The following SLC12A2 variants were observed in gnomAD, a reference collection of about 807,000 sequenced individuals.
The protein encoded by SLC12A2 is Na-K-2Cl cotransporter 1.
In SLC12A2, 67 loss-of-function variants were observed where a neutral mutation model predicts 136.3. The observed-to-expected ratio is 0.49, with a 90% CI of 0.40 to 0.60. The LOEUF (loss-of-function observed/expected upper bound fraction) is 0.60, where lower values mean the gene tolerates loss of function less well. Ranked by LOEUF, SLC12A2 falls within the 20% of genes least tolerant of loss-of-function variation. The pLI, the probability that SLC12A2 is intolerant of heterozygous loss-of-function variation, is 0.00. For synonymous variants in SLC12A2, 619 were observed against 562.9 expected (o/e 1.10, Z -1.41); for missense variants, 1,322 against 1,534.7 (o/e 0.86, Z 2.32).
At chr5:128,114,158 T>G in intron 2 of SLC12A2, 54 bp from the exon 3 acceptor site, 5 of 1,270,478 alleles carry the variant, frequency 3.9e-6, no homozygotes, top group Non-Finnish European at 5.7e-6. Flanking sequence ...GCTTACTATA[T>G]AATGTTTGAT....
At chr5:128,150,470 A>G (rs1257701916) in intron 13 of SLC12A2, among the ~76,000 whole-genome samples, 3 of 151,794 alleles carry the variant, frequency 2.0e-5, no homozygotes, top group Admixed American at 6.6e-5. Flanking sequence ...AAAATTCTGA[A>G]AAGGAATTTT....
At chr5:128,146,403 G>A (rs1291549632) in intron 10 of SLC12A2, among the ~76,000 whole-genome samples, 15 of 151,542 alleles carry the variant, frequency 9.9e-5, no homozygotes, top group Admixed American at 9.9e-4. Flanking sequence ...ATTTAATCTA[G>A]GGGAGTTTCT....
chr5:128,138,101 C>G (rs1325831267), intron 7 of SLC12A2, among the ~76,000 whole-genome samples: 2 of 151,988 alleles, frequency 1.3e-5, no homozygotes, highest in Non-Finnish European at 2.9e-5. Flanking sequence ...CCACTCCTGG[C>G]TAATTTTTTA....
At position 128,151,318 on chromosome 5, in the gene SLC12A2, G is replaced by A. The variant is rs575733487; in HGVS notation, c.2185G>A (p.Val729Ile). Reference protein sequence around the residue: ...GAILCCIVMFVINWWAALLTY... With the variant: ...GAILCCIVMFIINWWAALLTY... ...AATTCTTTGTTGCATAGTAATGTTC[G>A]TCATTAACTGGTGGGCTGCATTGCT... The change falls in exon 14 of 27, where the codon GTC becomes ATC. Residue 729 changes from valine (V) to isoleucine (I), a missense_variant. Physicochemically the swap from Val to Ile is conservative, Grantham distance 29. Transcript: ENST00000262461. 5.6e-5 allele frequency: 90 copies of A among 1,612,542 alleles called. No homozygotes were observed. Among genetic ancestry groups the A allele is most frequent in the African/African-American group, 1.3e-4 (10 of 74,912 alleles).
intron 4 of SLC12A2, among the ~76,000 whole-genome samples, chr5:128,127,116 AT>A (rs35726459): frequency 0.013 from 877 of 68,712 alleles, 8 homozygotes; most frequent in African/African-American, 0.05. Flanking sequence ...TTGGTCTGGA[AT>A]TTTTTTTTTT....
chr5:128,104,904 A>G (rs1760879380), intron 1 of SLC12A2, among the ~76,000 whole-genome samples: 1 of 152,114 alleles, frequency 6.6e-6, no homozygotes, highest in Non-Finnish European at 1.5e-5. Flanking sequence ...TATGAGGACC[A>G]TGTTAGAAGC....
At chr5:128,130,430 A>G (rs919894885) in intron 4 of SLC12A2, among the ~76,000 whole-genome samples, 6 of 150,356 alleles carry the variant, frequency 4.0e-5, no homozygotes, top group Non-Finnish European at 8.9e-5. Flanking sequence ...CAGGAGAATC[A>G]CATGAACCCA....
intron 26 of SLC12A2, among the ~76,000 whole-genome samples, chr5:128,185,695 T>C (rs1388237178): frequency 6.6e-6 from 1 of 152,208 alleles, no homozygotes; most frequent in African/African-American, 2.4e-5. Context: ...TATCCATATA[T>C]AGCTTCTGTT....
intron 4 of SLC12A2, among the ~76,000 whole-genome samples, chr5:128,129,000 TGAAA>T (rs1761918454): frequency 6.6e-6 from 1 of 152,098 alleles, no homozygotes; most frequent in Non-Finnish European, 1.5e-5. Context: ...TCTGTATTTG[TGAAA>T]GACTTTTAAA....
intron 19 of SLC12A2, among the ~76,000 whole-genome samples, chr5:128,173,159 T>C (rs1337516582): frequency 6.6e-6 from 1 of 152,218 alleles, no homozygotes; most frequent in East Asian, 1.9e-4. Flanking sequence ...TTAAACTGTT[T>C]TAATCTTCCC....
chr5:128,117,957 C>T (rs758535025), intron 4 of SLC12A2, among the ~76,000 whole-genome samples: 40 of 151,808 alleles, frequency 2.6e-4, no homozygotes, highest in African/African-American at 7.5e-4. Context: ...AAGAAACATA[C>T]GAAAAAATGC....
chr5:128,083,946 C>G lies in SLC12A2; in HGVS notation c.-9C>G. ...CGGGCTCTGCAGTTCCGCCGGGGGT[C>G]GGGCAGCTATGGAGCCGCGGCCCAC... On this transcript the variant is annotated 5_prime_UTR_variant, in exon 1 of 27. Transcript: ENST00000262461. 1 of 1,230,260 alleles carries G rather than the reference C, an allele frequency of 8.1e-7. No homozygotes were observed. Among genetic ancestry groups the G allele is most frequent in the Non-Finnish European group, 1.0e-6 (1 of 985,804 alleles). 76.2% of individuals were successfully genotyped at this position (1,230,260 alleles called of 1,614,324 possible).
intron 26 of SLC12A2, among the ~76,000 whole-genome samples, chr5:128,186,121 C>T (rs938050997): frequency 2.6e-4 from 40 of 152,230 alleles, no homozygotes; most frequent in African/African-American, 6.5e-4. Flanking sequence ...TGCTTACCAT[C>T]GTGTTACAGT....
At position 128,113,024 on chromosome 5, in the gene SLC12A2, T is replaced by C; in HGVS notation, c.876+91T>C. On this transcript the variant is annotated intron_variant, in intron 2 of 26. Transcript: ENST00000262461. ...TTCTCATCAGTTCTCAAGAGAACTC[T>C]TTTTTTCTCTATGTTAACTGTCTTA... is the stretch of plus-strand genomic sequence containing the variant. 3.6e-6 allele frequency: 4 copies of C among 1,112,374 alleles called. No homozygotes were observed. In the South Asian group the frequency reaches 6.6e-5, roughly 18 times the overall value. The allele number at this position is 1,112,374 out of a possible 1,614,324, so 68.9% of individuals were successfully genotyped here.
chr5:128,178,473 C>T, intron 21 of SLC12A2, 94 bp from the exon 22 acceptor site: 1 of 883,880 alleles, frequency 1.1e-6, no homozygotes, highest in Non-Finnish European at 1.6e-6. Flanking sequence ...GTATAAACAT[C>T]TGAATATACA....
At chr5:128,170,169 T>G (rs962865087) in intron 18 of SLC12A2, 1 of 152,226 alleles carries the variant, frequency 6.6e-6, no homozygotes, top group East Asian at 1.9e-4. Flanking sequence ...ACAAAAACAT[T>G]TATTTGTTTT....
intron 1 of SLC12A2, chr5:128,109,542 TG>T (rs1761068208): frequency 3.0e-6 from 2 of 675,902 alleles, no homozygotes; most frequent in East Asian, 2.8e-5. Context: ...CAGCACTTGC[TG>T]GGTGGAGAAA....
chr5:128,186,334 G>T (rs1371896648), intron 26 of SLC12A2, among the ~76,000 whole-genome samples, 162 bp from the exon 27 acceptor site: 1 of 152,006 alleles, frequency 6.6e-6, no homozygotes, highest in Non-Finnish European at 1.5e-5. Flanking sequence ...AACTGTGGTT[G>T]TTATTCTATT....
At chr5:128,161,485 C>T (rs557333663) in intron 16 of SLC12A2, among the ~76,000 whole-genome samples, 175 bp from the exon 17 acceptor site, 10 of 152,076 alleles carry the variant, frequency 6.6e-5, no homozygotes, top group Non-Finnish European at 1.3e-4. Context: ...ATCACCTCTA[C>T]CTTTTTGTAA....
Sources: gnomAD v4.1 joint callset for allele counts (sites outside exome capture counted in the v4.1 genomes callset) on GRCh38, gnomAD v4.1.1 for gene constraint, MANE v1.5 for transcripts, NCBI Gene and HGNC (gene_info 2026-07-23, HGNC 2026-07-21) for gene names.